Variants in CATSPERG observed in about 807,000 individuals in gnomAD.
CATSPERG encodes the protein catsper channel auxiliary subunit gamma, also known as cation channel sperm-associated auxiliary subunit gamma.
In CATSPERG, 115 loss-of-function variants were observed where a neutral mutation model predicts 145.0. The observed-to-expected ratio is 0.79, with a 90% confidence interval of 0.68 to 0.93. The LOEUF is 0.93. Among genes scored for constraint, CATSPERG ranks in the 40% least tolerant of loss-of-function variants. The pLI is 0.00. For synonymous variants in CATSPERG, 588 were observed against 589.0 expected, an observed-to-expected ratio of 1.00 and a Z score of 0.02; for missense variants, 1,296 against 1,490.1, an observed-to-expected ratio of 0.87 and a Z score of 2.14.
At chr19:38,368,918 C>T (rs1343528904) in intron 26 of CATSPERG, among the ~76,000 whole-genome samples, 1 of 152,242 alleles carries the variant, frequency 6.6e-6, no homozygotes, top group African/African-American at 2.4e-5. Context: ...CTGCCTCAGC[C>T]TCCCAAAGTA....
At chr19:38,339,309 A>G (rs895656132) in intron 3 of CATSPERG, among the ~76,000 whole-genome samples, 1 of 152,176 alleles carries the variant, frequency 6.6e-6, no homozygotes, top group African/African-American at 2.4e-5. Flanking sequence ...CCTGGATTCT[A>G]TCGAGGCCAT....
rs897409236 is a variant in CATSPERG at position 38,368,972 on chromosome 19, A to AT, written c.3020+844dup. Among the ~76,000 whole-genome samples, 682 of 151,290 alleles carry AT rather than the reference A, an allele frequency of 4.5e-3. 6 individuals carry two copies. The highest frequency in any genetic ancestry group is 0.016 in the African/African-American group (640 of 41,246). ...GCCACCATGCCCGGTTAATTTTTGT[A>AT]TTTTTTTTTCTAGTAGAGACGGGGT... On this transcript the variant is annotated intron_variant, in intron 26 of 28. Coordinates refer to ENST00000409235, the MANE Select transcript of CATSPERG (RefSeq NM_021185.5).
chr19:38,368,647 G>A (rs1473941512), intron 26 of CATSPERG, among the ~76,000 whole-genome samples: 1 of 152,150 alleles, frequency 6.6e-6, no homozygotes, highest in South Asian at 2.1e-4. Flanking sequence ...AGGTTCAAGC[G>A]ATTCTCCTGT....
chr19:38,364,240 T>C (rs999435596), intron 20 of CATSPERG, among the ~76,000 whole-genome samples: 4 of 150,064 alleles, frequency 2.7e-5, no homozygotes, highest in African/African-American at 9.9e-5. Context: ...TCCTCATTTC[T>C]CAGACGGGGC....
At chr19:38,353,027 CAA>C (rs61080753) in intron 8 of CATSPERG, among the ~76,000 whole-genome samples, 1,514 of 61,430 alleles carry the variant, frequency 0.025, 11 homozygotes, top group East Asian at 0.1. Flanking sequence ...GACCCTGTTT[CAA>C]AAAAAAAAAA....
chr19:38,340,963 A>G (rs1418045808), intron 3 of CATSPERG, among the ~76,000 whole-genome samples: 1 of 152,198 alleles, frequency 6.6e-6, no homozygotes, highest in Non-Finnish European at 1.5e-5. Context: ...GCAGAGACTC[A>G]AATGATAAAA....
rs775707493 is a variant in CATSPERG at position 38,370,537 on chromosome 19, C to T, written c.3225C>T (p.Ser1075=). The T allele has an allele frequency of 1.3e-5, 21 of 1,614,066 alleles. No homozygotes were observed. The highest frequency in any genetic ancestry group is 4.5e-5 in the East Asian group (2 of 44,888). ...RALFIIMVSA[S]VFVGLVIFYI... ...TTTGCTCCCTGCAGGTGTCAGCTAG[C>T]GTGTTTGTGGGCCTGGTGATCTTCT... is the stretch of plus-strand genomic sequence containing the variant. Residue 1075 remains serine (S), a synonymous_variant, in exon 29 of 29, where the codon AGC becomes AGT. Transcript: ENST00000409235.
intron 26 of CATSPERG, among the ~76,000 whole-genome samples, 161 bp downstream of exon 26, chr19:38,368,298 C>T (rs1379262635): frequency 6.6e-6 from 1 of 152,228 alleles, no homozygotes; most frequent in Non-Finnish European, 1.5e-5. Flanking sequence ...AAGTCTCTGC[C>T]TGGAATGCTG....
At chr19:38,356,401 T>TAAGG in intron 9 of CATSPERG, 83 bp from the exon 10 acceptor site, 1 of 1,245,110 alleles carries the variant, frequency 8.0e-7, no homozygotes, top group Non-Finnish European at 1.2e-6. Context: ...CTGGTGGGCA[T>TAAGG]AAGGAGGGCA....
intron 11 of CATSPERG, 132 bp from the exon 12 acceptor site, chr19:38,358,146 G>T: frequency 1.3e-6 from 1 of 797,638 alleles, no homozygotes; most frequent in South Asian, 1.7e-5. Flanking sequence ...GAAACTCTAA[G>T]GACTAGCAAA....
rs1046692332 is a variant in CATSPERG at position 38,354,965 on chromosome 19, G to A, written c.1135+118G>A. 5.1e-6 allele frequency: 6 copies of A among 1,182,046 alleles called. No homozygotes were observed. The African/African-American group carries it at 7.7e-5, about 15-fold the overall frequency. The allele number at this position is 1,182,046 out of a possible 1,614,324, so 73.2% of individuals were successfully genotyped here. ...GTGCCCTGAGGAGGGCCCCTAGGCTGAGGGTGATGGTGGTGGTGGAGGGAT... is the reference window on the plus strand; with the variant it reads ...GTGCCCTGAGGAGGGCCCCTAGGCTAAGGGTGATGGTGGTGGTGGAGGGAT... On this transcript the variant is annotated intron_variant, in intron 9 of 28. Coordinates refer to ENST00000409235, the MANE Select transcript of CATSPERG (RefSeq NM_021185.5).
Position 38,358,484 on chromosome 19 carries a change from T to G in CATSPERG, c.1419T>G (p.Thr473=). 1 of 1,614,170 alleles carries G rather than the reference T, an allele frequency of 6.2e-7. No homozygotes were observed. Among genetic ancestry groups the G allele is most frequent in the African/African-American group, 1.3e-5 (1 of 75,046 alleles). ...TAGGGACAGAGTCCTACACCAGCAC[T>G]GCAATGGCCCCCAAGGGCATCTTCT... is the stretch of plus-strand genomic sequence containing the variant. The part of the protein sequence containing the change: ...MILGTESYTS[T]AMAPKGIFCN... Residue 473 remains threonine, a synonymous_variant, in exon 13 of 29, where the codon ACT becomes ACG. Transcript: ENST00000409235.
rs769175989 is a variant in CATSPERG, at chr19:38,370,244, C to G, written c.3199C>G (p.Leu1067Val). 6.2e-7 allele frequency: 1 copy of G among 1,613,450 alleles called. No individual in the cohort carries two copies. ...HGLPLSPKRA[L>V]FIIMVSASVF... Reference sequence around the variant, plus strand: ...GCTGCCACTCAGTCCCAAGCGGGCCCTTTTCATCATCATGGTGAGTGGCTG... The same window carrying G: ...GCTGCCACTCAGTCCCAAGCGGGCCGTTTTCATCATCATGGTGAGTGGCTG... Residue 1067 changes from leucine to valine, a missense_variant, in exon 28 of 29, where the codon CTT (leucine) becomes GTT (valine). Transcript: ENST00000409235.
At chr19:38,340,903 G>C (rs906974955) in intron 3 of CATSPERG, among the ~76,000 whole-genome samples, 1 of 138,828 alleles carries the variant, frequency 7.2e-6, no homozygotes, top group Admixed American at 7.2e-5. Flanking sequence ...GGAGGGGGGG[G>C]CACTGTTTTA....
At chr19:38,346,674 G>A (rs1970047214) in intron 7 of CATSPERG, 69 bp downstream of exon 7, 1 of 1,426,108 alleles carries the variant, frequency 7.0e-7, no homozygotes, top group Non-Finnish European at 9.5e-7. Context: ...CCTGAAATAA[G>A]GTAGGGGCCT....
chr19:38,344,168 C>T, intron 5 of CATSPERG, 49 bp downstream of exon 5: 2 of 1,549,784 alleles, frequency 1.3e-6, no homozygotes, highest in South Asian at 1.2e-5. Flanking sequence ...GGGAATTCCT[C>T]ACCCCAGGGT....
At chr19:38,351,480 T>C (rs1970138590) in intron 7 of CATSPERG, among the ~76,000 whole-genome samples, 1 of 151,750 alleles carries the variant, frequency 6.6e-6, no homozygotes, top group African/African-American at 2.4e-5. Context: ...TGGTGGTAGG[T>C]GCCTGTAGTC....
intron 7 of CATSPERG, among the ~76,000 whole-genome samples, chr19:38,347,712 G>A (rs569534561): frequency 1.3e-5 from 2 of 152,276 alleles, no homozygotes; most frequent in African/African-American, 2.4e-5. Flanking sequence ...AGACCGAGGC[G>A]GGTGGATCAC....
At chr19:38,359,662 A>G in intron 14 of CATSPERG, 81 bp downstream of exon 14, 1 of 1,511,122 alleles carries the variant, frequency 6.6e-7, no homozygotes, top group Non-Finnish European at 8.9e-7. Flanking sequence ...CGTCACAGTA[A>G]AGGAGCCAAG....
Sources: allele counts gnomAD v4.1 joint callset (sites outside exome capture counted in the v4.1 genomes callset), GRCh38; gene constraint gnomAD v4.1.1; transcripts MANE v1.5; gene names NCBI Gene and HGNC (gene_info 2026-07-23, HGNC 2026-07-21).